PARVB: variants seen among roughly 807,000 people sequenced by gnomAD.
PARVB encodes parvin beta, also known as beta-parvin.
In PARVB, 46 loss-of-function variants were observed where a neutral mutation model predicts 47.0. The ratio of observed to expected loss-of-function variants is 0.98; its 90% CI spans 0.77 to 1.25. The LOEUF (loss-of-function observed/expected upper bound fraction) is 1.25. PARVB is among the 50% of genes most tolerant of loss of function. The pLI is 0.00. For synonymous variants in PARVB, 196 were observed against 196.3 expected (o/e 1.00, Z 0.01); for missense variants, 473 against 471.6 (o/e 1.00, Z -0.03).
chr22:44,120,311 G>A (rs534282830), intron 4 of PARVB, among the ~76,000 whole-genome samples: 51 of 152,324 alleles, frequency 3.3e-4, no homozygotes, highest in African/African-American at 1.2e-3. Flanking sequence ...AATCACACAT[G>A]AACGTTTGTC....
intron 2 of PARVB, among the ~76,000 whole-genome samples, chr22:44,017,312 TGGG>T (rs1603423142): frequency 1.3e-5 from 2 of 152,200 alleles, no homozygotes; most frequent in East Asian, 3.8e-4. Context: ...TGCAGTGCTT[TGGG>T]TCTGAGAATA....
rs80144592 is a variant in PARVB, at chr22:44,132,737, G to C, written c.518-157G>C. On this transcript the variant is annotated intron_variant, in intron 5 of 12. Coordinates refer to ENST00000338758, the MANE Select transcript of PARVB (RefSeq NM_013327.5). ...AGTGAAGCTAGAAGTAAATTCACCA[G>C]GTTGCTCATCAGCTCTCTTGATTTG... is the stretch of plus-strand genomic sequence containing the variant. Among the ~76,000 whole-genome samples the C allele has an allele frequency of 1.4e-3, 217 of 152,276 alleles. 1 individual carries two copies. Among genetic ancestry groups the C allele is most frequent in the African/African-American group, 4.3e-3 (179 of 41,556 alleles).
chr22:44,163,873 T>A lies in PARVB; in HGVS notation c.961T>A (p.Phe321Ile), dbSNP rs139507985. ...SFDQKVHNVS[F>I]AFELMLDGGL... ...TCCTTGGCAGGTCCACAATGTGTCC[T>A]TCGCCTTTGAGCTGATGCTGGACGG... is the stretch of plus-strand genomic sequence containing the variant. The change falls in exon 12 of 13, where the codon TTC (phenylalanine) becomes ATC (isoleucine). Residue 321 changes from phenylalanine to isoleucine, a missense_variant. Phe to Ile is a conservative substitution (Grantham distance 21). Coordinates refer to ENST00000338758, the MANE Select transcript of PARVB (RefSeq NM_013327.5). The A allele has an allele frequency of 5.4e-5, 87 of 1,610,046 alleles. No homozygotes were observed. In the African/African-American group the frequency reaches 1.1e-3, roughly 20 times the overall value.
intron 3 of PARVB, chr22:44,110,071 C>T (rs2052658145): frequency 7.0e-6 from 1 of 141,862 alleles, no homozygotes; most frequent in Non-Finnish European, 1.5e-5. Flanking sequence ...CGAGATCCCG[C>T]CACTGCACTC....
At chr22:44,117,243 G>A (rs2052928456) in intron 3 of PARVB, among the ~76,000 whole-genome samples, 1 of 152,116 alleles carries the variant, frequency 6.6e-6, no homozygotes, top group Non-Finnish European at 1.5e-5. Flanking sequence ...GAAGAGAGTG[G>A]GGAGGGAGAA....
chr22:44,026,812 G>A (rs2050737967), intron 1 of PARVB, among the ~76,000 whole-genome samples: 1 of 147,570 alleles, frequency 6.8e-6, no homozygotes, highest in Non-Finnish European at 1.5e-5. Flanking sequence ...ATGTTCCTGA[G>A]TTGAGGACTC....
intron 1 of PARVB, among the ~76,000 whole-genome samples, chr22:44,070,875 C>T (rs1266196352): frequency 6.6e-6 from 1 of 152,166 alleles, no homozygotes; most frequent in African/African-American, 2.4e-5. Flanking sequence ...ATTCTCTTCA[C>T]TCAGGTGTGT....
chr22:44,022,351 C>G (rs1296114494), upstream of PARVB, among the ~76,000 whole-genome samples: 1 of 152,094 alleles, frequency 6.6e-6, no homozygotes, highest in South Asian at 2.1e-4. Flanking sequence ...GGTCAAATGT[C>G]CCTTCCCTGC....
In PARVB at chr22:44,066,804, C is replaced by CCTCCTCCTTCTCCTT. The variant is rs1555898503; in HGVS notation, c.113-27116_113-27115insTCTCCTTCTCCTCCT. On this transcript the variant is annotated intron_variant, in intron 1 of 12. Coordinates refer to ENST00000338758, the MANE Select transcript of PARVB (RefSeq NM_013327.5). Reference sequence around the variant, plus strand: ...TTCTCCTCCTCCTCCTCCTCCTCCTCCTCCTCCTCCTCCTCCTCTTCCTCC... The same window carrying CCTCCTCCTTCTCCTT: ...TTCTCCTCCTCCTCCTCCTCCTCCTCCTCCTCCTTCTCCTTCTCCTCCTCCTCCTCCTCTTCCTCC... Among the ~76,000 whole-genome samples the CCTCCTCCTTCTCCTT allele has an allele frequency of 1.3e-4, 17 of 131,086 alleles. 1 individual carries two copies. Among genetic ancestry groups the CCTCCTCCTTCTCCTT allele is most frequent in the African/African-American group, 4.8e-4 (16 of 33,004 alleles). 86.0% of individuals were successfully genotyped at this position (131,086 alleles called of 152,430 possible).
chr22:44,139,342 T>G (rs1161256901), intron 7 of PARVB: 1 of 152,756 alleles, frequency 6.5e-6, no homozygotes, highest in Admixed American at 6.5e-5. Context: ...TAGCTGGGAC[T>G]AGAGCGCACG....
intron 11 of PARVB, among the ~76,000 whole-genome samples, chr22:44,161,384 G>A (rs1028634884): frequency 8.6e-5 from 13 of 150,700 alleles, no homozygotes; most frequent in Admixed American, 2.0e-4. Flanking sequence ...CACGATCTCG[G>A]CTCACTGCAA....
rs1477744830 is a variant in PARVB at position 44,068,066 on chromosome 22, ACATGGGCCTCC to A, written c.113-25860_113-25850del. Among the ~76,000 whole-genome samples the A allele has an allele frequency of 6.6e-6, 1 of 151,684 alleles. No individual in the cohort carries two copies. Among genetic ancestry groups the A allele is most frequent in the Non-Finnish European group, 1.5e-5 (1 of 67,934 alleles). ...CGCCTGGAGCACCTGCTGGGTCGGG[ACATGGGCCTCC>A]CGTGGGCCTCACCGCTTCCTGCTTC... On this transcript the variant is annotated intron_variant, in intron 1 of 12. Transcript: ENST00000338758. This position sits in a 1 kb window ranked among gnomAD's most constrained non-coding sequence, Gnocchi z 4.1.
chr22:44,040,820 G>T (rs190493263), intron 1 of PARVB, among the ~76,000 whole-genome samples: 2 of 151,596 alleles, frequency 1.3e-5, no homozygotes, highest in Non-Finnish European at 2.9e-5. Context: ...TCGAGACCAC[G>T]GTGAAACCCC....
intron 3 of PARVB, among the ~76,000 whole-genome samples, chr22:44,118,631 C>T (rs2147123414): frequency 6.6e-6 from 1 of 152,304 alleles, no homozygotes; most frequent in Admixed American, 6.5e-5. Context: ...GCCCCCATAC[C>T]AAGGTGAACA....
intron 1 of PARVB, among the ~76,000 whole-genome samples, chr22:44,056,520 T>C (rs2051315101): frequency 6.6e-6 from 1 of 152,156 alleles, no homozygotes; most frequent in Admixed American, 6.6e-5. Flanking sequence ...TTGTTTTTGT[T>C]TTTGAGACAG....
chr22:44,072,785 G>T (rs946172873), intron 1 of PARVB, among the ~76,000 whole-genome samples: 7 of 152,034 alleles, frequency 4.6e-5, no homozygotes, highest in African/African-American at 1.5e-4. Context: ...ACATCTTCCT[G>T]CTACAGGATA....
intron 6 of PARVB, among the ~76,000 whole-genome samples, chr22:44,133,764 T>C (rs1306477276): frequency 1.3e-5 from 2 of 152,222 alleles, no homozygotes; most frequent in African/African-American, 4.8e-5. Flanking sequence ...CTCGAAGTCC[T>C]GGGCTCAAGC....
chr22:44,086,282 C>G (rs2147020263), intron 1 of PARVB, among the ~76,000 whole-genome samples: 1 of 152,362 alleles, frequency 6.6e-6, no homozygotes, highest in Middle Eastern at 3.4e-3. Context: ...TCAAGAAGCG[C>G]TTTCTTGTAT....
At chr22:43,999,855 A>AAAAG (rs1247291162) in intron 2 of PARVB, among the ~76,000 whole-genome samples, 2 of 150,148 alleles carry the variant, frequency 1.3e-5, no homozygotes, top group East Asian at 3.9e-4. Flanking sequence ...AAAAAAAAAA[A>AAAAG]AAACAGCTGG....
Sources: gnomAD v4.1 joint callset for allele counts (sites outside exome capture counted in the v4.1 genomes callset) on GRCh38, gnomAD v4.1.1 for gene constraint, Gnocchi (gnomAD v3.1) non-coding constraint, MANE v1.5 for transcripts, NCBI Gene and HGNC (gene_info 2026-07-23, HGNC 2026-07-21) for gene names.